The following SPIB variants were observed in gnomAD, a reference collection of about 807,000 sequenced individuals.
SPIB encodes the protein transcription factor Spi-B.
In SPIB, 7 loss-of-function variants were observed where a neutral mutation model predicts 31.9. The ratio of observed to expected loss-of-function variants is 0.22; its 90% CI spans 0.12 to 0.41. The LOEUF is 0.41. Ranked by LOEUF, SPIB falls within the 10% of genes least tolerant of loss-of-function variation. SPIB has a pLI of 1.00. For missense variants in SPIB, 327 were observed against 360.2 expected, an observed-to-expected ratio of 0.91 and a Z score of 0.75; for synonymous variants, 176 against 158.9, an observed-to-expected ratio of 1.11 and a Z score of -0.81.
At chr19:50,427,868 C>CCG (rs1555795031) in intron 5 of SPIB, among the ~76,000 whole-genome samples, 170 bp from the exon 6 acceptor site, 1 of 55,294 alleles carries the variant, frequency 1.8e-5, no homozygotes, top group Non-Finnish European at 5.5e-5. Context: ...GCCCCCCCCC[C>CCG]CCCCCGTGGT....
chr19:50,428,369 G>T lies in SPIB; in HGVS notation c.*33G>T. The T allele has an allele frequency of 6.6e-7, 1 of 1,507,720 alleles. No homozygotes were observed. Among genetic ancestry groups the T allele is most frequent in the East Asian group, 2.5e-5 (1 of 40,430 alleles). The allele number at this position is 1,507,720 out of a possible 1,614,324, so 93.4% of individuals were successfully genotyped here. A position where few individuals can be genotyped will look rare whatever the true frequency, so the allele number is the denominator to read the frequency against. The stretch of plus-strand genomic sequence containing the variant: ...CGAGGCTCCCACCTGCGGAGCCGCT[G>T]GGGGACCTCACGTCCCAGCCAGGAT... On this transcript the variant is annotated 3_prime_UTR_variant, in exon 6 of 6. Transcript: ENST00000595883. The surrounding 1 kb of genome is among the most constrained non-coding windows in gnomAD (Gnocchi z 6.5).
chr19:50,423,065 A>G (rs1157092607), intron 4 of SPIB, 28 bp downstream of exon 4: 14 of 1,129,058 alleles, frequency 1.2e-5, no homozygotes, highest in Non-Finnish European at 1.8e-5. Flanking sequence ...AGTTAAAATC[A>G]AGCCCAAACC....
chr19:50,428,175 C>T lies in SPIB; in HGVS notation c.628C>T (p.Arg210Cys), dbSNP rs1413323093. Reference protein sequence around the residue: ...FSSKHKELLARRWGQQKGNRK... With the variant: ...FSSKHKELLACRWGQQKGNRK... ...CTCCAAGCACAAGGAACTCCTGGCG[C>T]GCCGCTGGGGCCAGCAGAAGGGGAA... The change falls in exon 6 of 6, where the codon CGC becomes TGC. Residue 210 changes from arginine (R) to cysteine (C), a missense_variant. Transcript: ENST00000595883. This position sits in a 1 kb window ranked among gnomAD's most constrained non-coding sequence, Gnocchi z 6.5. The T allele has an allele frequency of 1.4e-5, 23 of 1,590,140 alleles. No homozygotes were observed. The highest frequency in any genetic ancestry group is 2.0e-5 in the Non-Finnish European group (23 of 1,168,394).
At position 50,427,063 on chromosome 19, in the gene SPIB, G is replaced by A. The variant is rs538943187; in HGVS notation, c.491-975G>A. Reference sequence around the variant, plus strand: ...GAGGATTGCTTAGGCCCAGGAGGTCGAGGCTGCAGTGAGCTGTGATTGCTC... The same window carrying A: ...GAGGATTGCTTAGGCCCAGGAGGTCAAGGCTGCAGTGAGCTGTGATTGCTC... On this transcript the variant is annotated intron_variant, in intron 5 of 5. Coordinates refer to ENST00000595883, the MANE Select transcript of SPIB (RefSeq NM_003121.5). Among the ~76,000 whole-genome samples the A allele has an allele frequency of 3.9e-5, 6 of 152,166 alleles. 1 individual carries two copies. In the Middle Eastern group the frequency reaches 0.014, roughly 345 times the overall value.
At chr19:50,421,668 G>T (rs887830217) in intron 2 of SPIB, among the ~76,000 whole-genome samples, 1 of 147,016 alleles carries the variant, frequency 6.8e-6, no homozygotes, top group African/African-American at 2.5e-5. Flanking sequence ...AGGCTGGAGT[G>T]CAGTGGCGCG....
intron 5 of SPIB, among the ~76,000 whole-genome samples, chr19:50,427,062 C>T (rs571884625): frequency 6.6e-6 from 1 of 151,470 alleles, no homozygotes; most frequent in South Asian, 2.1e-4. Flanking sequence ...CCCAGGAGGT[C>T]GAGGCTGCAG....
intron 5 of SPIB, among the ~76,000 whole-genome samples, chr19:50,427,835 G>A (rs1158204587): frequency 6.8e-6 from 1 of 147,836 alleles, no homozygotes; most frequent in African/African-American, 2.5e-5. Context: ...GGGGCTGACA[G>A]CTTCGGGCAG....
At chr19:50,422,598 A>C in intron 3 of SPIB, 53 bp downstream of exon 3, 1 of 1,581,098 alleles carries the variant, frequency 6.3e-7, no homozygotes, top group Non-Finnish European at 8.7e-7. Context: ...TTTCACAGAT[A>C]GGGGAGCTGA....
At chr19:50,427,124 T>C (rs2039574835) in intron 5 of SPIB, among the ~76,000 whole-genome samples, 1 of 151,072 alleles carries the variant, frequency 6.6e-6, no homozygotes, top group Non-Finnish European at 1.5e-5. Flanking sequence ...AACGAGACCC[T>C]GCCTTGAAAA....
rs574021907 is a variant in SPIB, at chr19:50,425,789, C to A, written c.490+2034C>A. On this transcript the variant is annotated intron_variant, in intron 5 of 5. Transcript: ENST00000595883. ...TATAGGTCCTGGGGCATACATGGCA[C>A]GCCTGGAGGCCACACACACCAGGTC... Among the ~76,000 whole-genome samples, 4 of 152,276 alleles carry A rather than the reference C, an allele frequency of 2.6e-5. No individual in the cohort carries two copies. The East Asian group carries it at 7.7e-4, about 29-fold the overall frequency.
At chr19:50,427,362 T>C (rs561006471) in intron 5 of SPIB, among the ~76,000 whole-genome samples, 1 of 151,984 alleles carries the variant, frequency 6.6e-6, no homozygotes, top group Admixed American at 6.5e-5. Context: ...CCGTCTCTAC[T>C]AAAAATATAA....
chr19:50,427,176 C>A (rs372083928), intron 5 of SPIB, among the ~76,000 whole-genome samples: 80 of 151,996 alleles, frequency 5.3e-4, no homozygotes, highest in African/African-American at 1.9e-3. Context: ...CCCAAGGTCA[C>A]ACTGCTGTAA....
Position 50,419,004 on chromosome 19 carries a change from A to G in SPIB, c.23+19A>G, listed in dbSNP as rs2039445816. Reference sequence around the variant, plus strand: ...CTGCACAGTAAGTGAGGGCCCCCAAACCTGCACCCGGGGTCCCCACCTGCA... The same window carrying G: ...CTGCACAGTAAGTGAGGGCCCCCAAGCCTGCACCCGGGGTCCCCACCTGCA... On this transcript the variant is annotated intron_variant, in intron 1 of 5. Transcript: ENST00000595883. 5.2e-6 allele frequency: 8 copies of G among 1,550,978 alleles called. No individual in the cohort carries two copies. In the Admixed American group the frequency reaches 5.9e-5, roughly 11 times the overall value.
At chr19:50,423,833 C>A (rs2122549489) in intron 5 of SPIB, 78 bp downstream of exon 5, 2 of 1,495,800 alleles carry the variant, frequency 1.3e-6, no homozygotes, top group East Asian at 4.9e-5. Context: ...GCTTCCTGGG[C>A]CTCTACATAT....
At chr19:50,427,630 T>G (rs1465057380) in intron 5 of SPIB, among the ~76,000 whole-genome samples, 2 of 152,364 alleles carry the variant, frequency 1.3e-5, no homozygotes, top group East Asian at 3.9e-4. Context: ...GCTGGAGAGA[T>G]AGCCAGGCCA....
intron 2 of SPIB, 146 bp downstream of exon 2, chr19:50,420,119 G>C (rs747815081): frequency 1.2e-5 from 8 of 640,008 alleles, no homozygotes; most frequent in Non-Finnish European, 1.9e-5. Context: ...CTGCTACCCC[G>C]CATCCGTATT....
chr19:50,419,925 CCT>C lies in SPIB; in HGVS notation c.24-20_24-19del. On this transcript the variant is annotated intron_variant, in intron 1 of 5. Coordinates refer to ENST00000595883, the MANE Select transcript of SPIB (RefSeq NM_003121.5). ...TGGCTGGAGGCAGCCTCAGCATGCC[CCT>C]GTGTCTCTCCCCCTCCAGGCTCGAC... is the stretch of plus-strand genomic sequence containing the variant. The C allele has an allele frequency of 1.3e-6, 2 of 1,540,564 alleles. No individual in the cohort carries two copies. Among genetic ancestry groups the C allele is most frequent in the Non-Finnish European group, 1.7e-6 (2 of 1,148,976 alleles).
intron 5 of SPIB, among the ~76,000 whole-genome samples, chr19:50,426,768 C>T (rs1048180348): frequency 3.0e-4 from 45 of 151,894 alleles, no homozygotes; most frequent in African/African-American, 1.1e-3. Flanking sequence ...GTGCTGGGAT[C>T]ACAGGCATGG....
chr19:50,424,695 C>T (rs924252421), intron 5 of SPIB, among the ~76,000 whole-genome samples: 8 of 151,846 alleles, frequency 5.3e-5, no homozygotes, highest in Admixed American at 1.3e-4. Context: ...GCAGAAGAAT[C>T]GCTTGAACCC....
Sources: allele counts gnomAD v4.1 joint callset (sites outside exome capture counted in the v4.1 genomes callset), GRCh38; gene constraint gnomAD v4.1.1; non-coding constraint Gnocchi (gnomAD v3.1); transcripts MANE v1.5; gene names NCBI Gene and HGNC (gene_info 2026-07-23, HGNC 2026-07-21).